Variants in MAPK8IP1 observed in about 807,000 individuals in gnomAD.
MAPK8IP1 encodes the protein mitogen-activated protein kinase 8 interacting protein 1.
A neutral mutation model predicts 72.6 loss-of-function variants in MAPK8IP1; 17 were observed. That is an observed-to-expected ratio of 0.23 (90% CI 0.16 to 0.35). MAPK8IP1 has a LOEUF of 0.35. Ranked by LOEUF, MAPK8IP1 falls within the 10% of genes least tolerant of loss-of-function variation. MAPK8IP1 has a pLI of 1.00. For missense variants in MAPK8IP1, 789 were observed against 1,009.7 expected (o/e 0.78, Z 2.96); for synonymous variants, 401 against 443.4 (o/e 0.90, Z 1.20).
At chr11:45,887,845 C>T (rs1412451902) in intron 1 of MAPK8IP1, among the ~76,000 whole-genome samples, 2 of 152,246 alleles carry the variant, frequency 1.3e-5, no homozygotes, top group African/African-American at 4.8e-5. Context: ...CCGGCCTGCC[C>T]CGCTGCTCCC....
Position 45,885,864 on chromosome 11 carries a change from C to T in MAPK8IP1, c.44C>T (p.Ser15Phe), listed in dbSNP as rs571313860. ...GGCGGCCTGGGAGGGGGGGCCGCGT[C>T]CCCGCCCGCCGCCTCCCCGTTCCTG... ...ESGGLGGGAA[S>F]PPAASPFLGL... The change falls in exon 1 of 12, where the codon TCC becomes TTC. Residue 15 changes from serine (S) to phenylalanine (F), a missense_variant. Physicochemically the swap from Ser to Phe is radical, Grantham distance 155. Transcript: ENST00000241014. 2 of 1,456,216 alleles carry T rather than the reference C, an allele frequency of 1.4e-6. No homozygotes were observed. The highest frequency in any genetic ancestry group is 1.3e-5 in the South Asian group (1 of 74,302). 90.2% of individuals were successfully genotyped at this position (1,456,216 alleles called of 1,614,324 possible). A position where few individuals can be genotyped will look rare whatever the true frequency, so the allele number is the denominator to read the frequency against.
Position 45,905,654 on chromosome 11 carries a change from C to T in MAPK8IP1, c.2069C>T (p.Ala690Val). Residue 690 changes from alanine (A) to valine (V), a missense_variant, in exon 12 of 12, where the codon GCA becomes GTA. By Grantham distance (64) the Ala-to-Val change is moderately conservative. Around this residue, in one of 4 missense-constraint regions of MAPK8IP1, gnomAD observed 188 missense variants for 293.3 expected, o/e 0.64. Coordinates refer to ENST00000241014, the MANE Select transcript of MAPK8IP1 (RefSeq NM_005456.4). ...GTGTGTCCCCTGGCTTCTAGGAGAG[C>T]ATTCCAGCAGTTCTACAAGCAGTTT... The part of the protein sequence containing the change: ...TKALAESVGR[A>V]FQQFYKQFVE... 13 of 1,613,746 alleles carry T rather than the reference C, an allele frequency of 8.1e-6. No individual in the cohort carries two copies. The highest frequency in any genetic ancestry group is 1.1e-5 in the Non-Finnish European group (13 of 1,179,686).
rs1481621405 is a variant in MAPK8IP1 at position 45,902,879 on chromosome 11, C to G, written c.1112C>G (p.Thr371Ser). The G allele has an allele frequency of 7.5e-6, 12 of 1,599,412 alleles. No homozygotes were observed. Among genetic ancestry groups the G allele is most frequent in the Admixed American group, 1.7e-5 (1 of 57,996 alleles). ...PPPRASLSSDTSALSYDSVKY... is the reference protein window; with the variant it reads ...PPPRASLSSDSSALSYDSVKY... ...CCACGGGCCTCTCTGAGCTCGGACACCAGCGCCCTGTCCTATGACTCTGTC... is the reference window on the plus strand; with the variant it reads ...CCACGGGCCTCTCTGAGCTCGGACAGCAGCGCCCTGTCCTATGACTCTGTC... Residue 371 changes from threonine to serine, a missense_variant, in exon 5 of 12, where the codon ACC (threonine) becomes AGC (serine). Thr to Ser is a moderately conservative substitution (Grantham distance 58). Transcript: ENST00000241014. The surrounding 1 kb of genome is among the most constrained non-coding windows in gnomAD (Gnocchi z 9.3).
intron 1 of MAPK8IP1, among the ~76,000 whole-genome samples, chr11:45,888,063 A>G (rs1401320120): frequency 6.6e-6 from 1 of 152,194 alleles, no homozygotes; most frequent in African/African-American, 2.4e-5. Flanking sequence ...AGATGCCAGC[A>G]CTGGCCCCTG....
chr11:45,896,974 G>A (rs986250119), intron 1 of MAPK8IP1: 3 of 1,558,254 alleles, frequency 1.9e-6, no homozygotes, highest in African/African-American at 2.7e-5. Context: ...GGGCTGGCGG[G>A]GGTGGAGACC....
chr11:45,902,830 A>G lies in MAPK8IP1; in HGVS notation c.1063A>G (p.Ser355Gly). The part of the protein sequence containing the change: ...AEPPGGGWRG[S>G]LGEPPPPPRA... ...GCCCCCAGGCGGAGGGTGGCGGGGG[A>G]GCCTGGGGGAGCCGCCGCCACCTCC... The change falls in exon 5 of 12, where the codon AGC becomes GGC. Residue 355 changes from serine (S) to glycine (G), a missense_variant. Transcript: ENST00000241014. This position sits in a 1 kb window ranked among gnomAD's most constrained non-coding sequence, Gnocchi z 9.3. 6.3e-7 allele frequency: 1 copy of G among 1,578,714 alleles called. No homozygotes were observed. The highest frequency in any genetic ancestry group is 8.6e-7 in the Non-Finnish European group (1 of 1,164,470).
In MAPK8IP1 at chr11:45,886,543, G is replaced by A. The variant is rs146874725; in HGVS notation, c.101+622G>A. The stretch of plus-strand genomic sequence containing the variant: ...AGGCCCGGCTGCGGGAAGGGAAGTC[G>A]GCTCGGCTCTGGAGTAGCCAGGGCC... On this transcript the variant is annotated intron_variant, in intron 1 of 11. Coordinates refer to ENST00000241014, the MANE Select transcript of MAPK8IP1 (RefSeq NM_005456.4). 6.1e-3 allele frequency among the ~76,000 whole-genome samples: 931 copies of A among 152,290 alleles called. 13 individuals are homozygous for A. The highest frequency in any genetic ancestry group is 0.02 in the Middle Eastern group (6 of 294).
intron 2 of MAPK8IP1, among the ~76,000 whole-genome samples, chr11:45,899,181 G>A (rs1485330938): frequency 1.3e-5 from 2 of 152,222 alleles, no homozygotes; most frequent in African/African-American, 4.8e-5. Context: ...AGAGGCAGAG[G>A]CCTCTAGATT....
At position 45,904,281 on chromosome 11, in the gene MAPK8IP1, T is replaced by A; in HGVS notation, c.1666+120T>A. 1.6e-6 allele frequency: 2 copies of A among 1,279,150 alleles called. No individual in the cohort carries two copies. Among genetic ancestry groups the A allele is most frequent in the Admixed American group, 2.0e-5 (1 of 50,830 alleles). 79.2% of individuals were successfully genotyped at this position (1,279,150 alleles called of 1,614,324 possible). On this transcript the variant is annotated intron_variant, in intron 7 of 11. Transcript: ENST00000241014. This position sits in a 1 kb window ranked among gnomAD's most constrained non-coding sequence, Gnocchi z 6.4. ...AGGTGGGGGGCTGAGTGGAAGTGAT[T>A]TTAGGTCCTTTTCACGATCAAGCAA...
At position 45,902,910 on chromosome 11, in the gene MAPK8IP1, CACGCTGGTGGTAG is replaced by C. The variant is rs2086668439; in HGVS notation, c.1145_1157del (p.Thr382MetfsTer9). ...CCCTGTCCTATGACTCTGTCAAGTACACGCTGGTGGTAGATGAGCATGCACAGCTGGAGCTGGT... is the reference window on the plus strand; with the variant it reads ...CCCTGTCCTATGACTCTGTCAAGTACATGAGCATGCACAGCTGGAGCTGGT... On this transcript the variant is annotated frameshift_variant, in exon 5 of 12. Transcript: ENST00000241014. LOFTEE classifies it high-confidence loss of function. This position sits in a 1 kb window ranked among gnomAD's most constrained non-coding sequence, Gnocchi z 9.3. 6.2e-7 allele frequency: 1 copy of C among 1,609,132 alleles called. No individual in the cohort carries two copies. The highest frequency in any genetic ancestry group is 8.5e-7 in the Non-Finnish European group (1 of 1,178,310).
Position 45,903,216 on chromosome 11 carries a change from G to A in MAPK8IP1, c.1417+32G>A, listed in dbSNP as rs768615845. ...CAGCAAGGGGAAGCAGTGGGGTGGG[G>A]GGGTCCCTAGCGGGGGCAGAGCCAA... On this transcript the variant is annotated intron_variant, in intron 5 of 11. Transcript: ENST00000241014. The surrounding 1 kb of genome is among the most constrained non-coding windows in gnomAD (Gnocchi z 6.4). The A allele has an allele frequency of 1.9e-6, 3 of 1,593,652 alleles. No individual in the cohort carries two copies. In the East Asian group the frequency reaches 6.7e-5, roughly 36 times the overall value.
chr11:45,901,429 A>G (rs532285310), intron 3 of MAPK8IP1, among the ~76,000 whole-genome samples: 1 of 152,184 alleles, frequency 6.6e-6, no homozygotes, highest in East Asian at 1.9e-4. Flanking sequence ...TGGATTTGTC[A>G]CTGGGATGAT....
In MAPK8IP1 at chr11:45,903,379, G is replaced by T. The variant is rs1268429340; in HGVS notation, c.1432G>T (p.Gly478Trp). 6.2e-7 allele frequency: 1 copy of T among 1,613,686 alleles called. No individual in the cohort carries two copies. Among genetic ancestry groups the T allele is most frequent in the Non-Finnish European group, 8.5e-7 (1 of 1,179,998 alleles). ...CTCACCTGCAGGTGCTGAGTCCTTC[G>T]GGCTGTTCTCCTGCATCATCAACGG... ...RSRSSSAESF[G>W]LFSCIINGEE... Residue 478 changes from glycine to tryptophan, a missense_variant, in exon 6 of 12, where the codon GGG (glycine) becomes TGG (tryptophan). Gly to Trp is a radical substitution (Grantham distance 184). Coordinates refer to ENST00000241014, the MANE Select transcript of MAPK8IP1 (RefSeq NM_005456.4). This position sits in a 1 kb window ranked among gnomAD's most constrained non-coding sequence, Gnocchi z 6.4.
Position 45,885,657 on chromosome 11 carries a change from G to A in MAPK8IP1, c.-164G>A, listed in dbSNP as rs1399615865. The A allele has an allele frequency of 3.8e-6, 1 of 263,734 alleles. No individual in the cohort carries two copies. Among genetic ancestry groups the A allele is most frequent in the Admixed American group, 5.5e-5 (1 of 18,122 alleles). The allele number at this position is 263,734 out of a possible 1,614,324, so 16.3% of individuals were successfully genotyped here. ...CGCGCGGGGCGCTCTCGCCAGTCCCGCGGGCCGTGCGCGGTGCTGTGCCGC... is the reference window on the plus strand; with the variant it reads ...CGCGCGGGGCGCTCTCGCCAGTCCCACGGGCCGTGCGCGGTGCTGTGCCGC... On this transcript the variant is annotated 5_prime_UTR_variant, in exon 1 of 12. Coordinates refer to ENST00000241014, the MANE Select transcript of MAPK8IP1 (RefSeq NM_005456.4).
At chr11:45,897,951 C>A in intron 1 of MAPK8IP1, 134 bp from the exon 2 acceptor site, 1 of 670,680 alleles carries the variant, frequency 1.5e-6, no homozygotes. Context: ...TGCATTGATA[C>A]AGATGAACCC....
chr11:45,899,548 G>C (rs957089353), intron 2 of MAPK8IP1, among the ~76,000 whole-genome samples: 1 of 152,202 alleles, frequency 6.6e-6, no homozygotes, highest in Non-Finnish European at 1.5e-5. Context: ...CTCAAGGCAG[G>C]CTCGTGGAGG....
chr11:45,896,798 T>C, intron 1 of MAPK8IP1: 1 of 1,542,246 alleles, frequency 6.5e-7, no homozygotes, highest in Non-Finnish European at 8.7e-7. Context: ...CAGCCCTGCC[T>C]TGAGCCCTGG....
intron 1 of MAPK8IP1, among the ~76,000 whole-genome samples, chr11:45,890,004 C>T (rs1330631438): frequency 2.0e-5 from 3 of 152,216 alleles, no homozygotes; most frequent in Admixed American, 6.5e-5. Flanking sequence ...GATGATGGCT[C>T]AGGTCAAGGG....
intron 1 of MAPK8IP1, among the ~76,000 whole-genome samples, chr11:45,895,361 T>A (rs1279820274): frequency 6.6e-6 from 1 of 152,158 alleles, no homozygotes; most frequent in Non-Finnish European, 1.5e-5. Context: ...GGCTCACGCC[T>A]GCAATCCCAG....
Sources: allele counts gnomAD v4.1 joint callset (sites outside exome capture counted in the v4.1 genomes callset), GRCh38; gene constraint gnomAD v4.1.1; regional missense constraint gnomAD v4.1.1; non-coding constraint Gnocchi (gnomAD v3.1); transcripts MANE v1.5; gene names NCBI Gene and HGNC (gene_info 2026-07-23, HGNC 2026-07-21).